The following HORMAD2 variants were observed in gnomAD, a reference collection of about 807,000 sequenced individuals.
HORMAD2 encodes the protein HORMA domain containing 2, also known as HORMA domain-containing protein 2.
Under a neutral mutation model 38.8 loss-of-function variants are expected in HORMAD2, and 45 were observed. The ratio of observed to expected loss-of-function variants is 1.16; its 90% confidence interval spans 0.91 to 1.49. The LOEUF is 1.49. Among genes scored for constraint, HORMAD2 ranks in the 40% most tolerant of loss-of-function variants. HORMAD2 has a pLI of 0.00. For synonymous variants in HORMAD2, 126 were observed against 122.8 expected, an observed-to-expected ratio of 1.03 and a Z score of -0.17; for missense variants, 338 against 367.0, an observed-to-expected ratio of 0.92 and a Z score of 0.65.
chr22:30,082,585 A>T (rs2068501685), intron 1 of HORMAD2, among the ~76,000 whole-genome samples: 1 of 152,038 alleles, frequency 6.6e-6, no homozygotes, highest in South Asian at 2.1e-4. Context: ...TGGGCAACAT[A>T]GTGAGACCTC....
intron 10 of HORMAD2, among the ~76,000 whole-genome samples, chr22:30,170,849 A>G (rs1034511120): frequency 2.0e-5 from 3 of 152,144 alleles, no homozygotes; most frequent in Admixed American, 6.5e-5. Flanking sequence ...CACTCTTCAA[A>G]TGACTTCAAG....
At chr22:30,166,001 T>A (rs1925757600) in intron 10 of HORMAD2, among the ~76,000 whole-genome samples, 1 of 151,594 alleles carries the variant, frequency 6.6e-6, no homozygotes, top group African/African-American at 2.4e-5. Flanking sequence ...CTTCTTTTTT[T>A]ATTCTCTTTA....
intron 10 of HORMAD2, among the ~76,000 whole-genome samples, chr22:30,171,469 C>T (rs1926105109): frequency 6.6e-6 from 1 of 152,108 alleles, no homozygotes; most frequent in Non-Finnish European, 1.5e-5. Context: ...AATTGGCCAT[C>T]CTCCTGACTC....
At chr22:30,188,948 C>A in the HORMAD2 span, among the ~76,000 whole-genome samples, 1 of 151,942 alleles carries the variant, frequency 6.6e-6, no homozygotes, top group Non-Finnish European at 1.5e-5. Context: ...CCAGCCTGGG[C>A]AACATGGTGA....
intron 10 of HORMAD2, among the ~76,000 whole-genome samples, chr22:30,158,579 C>T (rs1265657689): frequency 1.8e-4 from 10 of 56,250 alleles, no homozygotes; most frequent in Non-Finnish European, 1.7e-4. Context: ...TTCCCCTTCC[C>T]CTTCTCCTTC....
chr22:30,091,737 A>G (rs2068691178), intron 1 of HORMAD2, among the ~76,000 whole-genome samples: 2 of 152,114 alleles, frequency 1.3e-5, no homozygotes, highest in Non-Finnish European at 2.9e-5. Flanking sequence ...TATGGTTTCT[A>G]TTTTAAGATT....
At chr22:30,135,687 C>T (rs908263076) in intron 10 of HORMAD2, among the ~76,000 whole-genome samples, 10 of 152,084 alleles carry the variant, frequency 6.6e-5, no homozygotes, top group African/African-American at 2.2e-4. Flanking sequence ...GAGCCCTTCT[C>T]GAACACTCAG....
rs563499899 is a variant in HORMAD2, at chr22:30,127,497, A to G, written c.819+5283A>G. Among the ~76,000 whole-genome samples, 6 of 152,084 alleles carry G rather than the reference A, an allele frequency of 3.9e-5. No homozygotes were observed. The East Asian group carries it at 1.2e-3, about 29-fold the overall frequency. On this transcript the variant is annotated intron_variant, in intron 10 of 10. Coordinates refer to ENST00000336726, the MANE Select transcript of HORMAD2 (RefSeq NM_152510.4). Reference sequence around the variant, plus strand: ...GCTGGGATTACAGGTGTGAACCACCACGCCCAGCCTAATTTTTGTATTTGT... The same window carrying G: ...GCTGGGATTACAGGTGTGAACCACCGCGCCCAGCCTAATTTTTGTATTTGT...
At chr22:30,098,610 T>C (rs1163606690) in intron 2 of HORMAD2, among the ~76,000 whole-genome samples, 1 of 152,170 alleles carries the variant, frequency 6.6e-6, no homozygotes, top group African/African-American at 2.4e-5. Context: ...GTTTCATGGA[T>C]CATTGTGAAA....
At chr22:30,197,696 T>G in the HORMAD2 span, among the ~76,000 whole-genome samples, 1 of 152,098 alleles carries the variant, frequency 6.6e-6, no homozygotes, top group Non-Finnish European at 1.5e-5. Flanking sequence ...CTCAGTAAGA[T>G]GAGGAAGCCC....
chr22:30,078,550 G>A (rs150959076), upstream of HORMAD2, among the ~76,000 whole-genome samples: 45 of 123,810 alleles, frequency 3.6e-4, 1 homozygote, highest in East Asian at 6.2e-3. Context: ...AGGTGGCAGC[G>A]AGCCAATATC....
At chr22:30,105,409 G>T in intron 5 of HORMAD2, 1 of 154,520 alleles carries the variant, frequency 6.5e-6, no homozygotes, top group South Asian at 1.7e-4. Flanking sequence ...GCAGAACCAT[G>T]GCTGCTGCTC....
At chr22:30,193,078 A>G in the HORMAD2 span, among the ~76,000 whole-genome samples, 23 of 152,246 alleles carry the variant, frequency 1.5e-4, no homozygotes, top group Admixed American at 2.6e-4. Flanking sequence ...CGAAAAAAGC[A>G]GCTGAAATAC....
rs540896309 is a variant in HORMAD2, at chr22:30,131,052, C to T, written c.819+8838C>T. On this transcript the variant is annotated intron_variant, in intron 10 of 10. Coordinates refer to ENST00000336726, the MANE Select transcript of HORMAD2 (RefSeq NM_152510.4). ...CAGTAGACATACACACTGAAGACAA[C>T]TTCCCCTAAAGATCCTTAGACAGGT... is the stretch of plus-strand genomic sequence containing the variant. Among the ~76,000 whole-genome samples the T allele has an allele frequency of 3.3e-5, 5 of 152,246 alleles. No individual in the cohort carries two copies. In the South Asian group the frequency reaches 1.0e-3, roughly 32 times the overall value.
At chr22:30,109,953 C>A (rs976561310) in intron 5 of HORMAD2, among the ~76,000 whole-genome samples, 1 of 152,086 alleles carries the variant, frequency 6.6e-6, no homozygotes, top group East Asian at 1.9e-4. Flanking sequence ...GCCCTGTGTA[C>A]GTAATGGACT....
At chr22:30,171,331 A>C (rs1926097307) in intron 10 of HORMAD2, among the ~76,000 whole-genome samples, 1 of 152,202 alleles carries the variant, frequency 6.6e-6, no homozygotes, top group African/African-American at 2.4e-5. Context: ...AGGCACTCCA[A>C]ATTCAGCAGG....
chr22:30,167,989 T>G (rs1331668313), intron 10 of HORMAD2, among the ~76,000 whole-genome samples: 3 of 152,204 alleles, frequency 2.0e-5, no homozygotes, highest in Admixed American at 1.3e-4. Flanking sequence ...ACAGTTATTG[T>G]GAGGAATAAA....
At chr22:30,194,363 G>C in the HORMAD2 span, among the ~76,000 whole-genome samples, 1 of 152,214 alleles carries the variant, frequency 6.6e-6, no homozygotes, top group African/African-American at 2.4e-5. Flanking sequence ...CTGGAAAAGA[G>C]ATTTCTCCAG....
At chr22:30,128,639 T>C (rs1285936265) in intron 10 of HORMAD2, among the ~76,000 whole-genome samples, 1 of 152,056 alleles carries the variant, frequency 6.6e-6, no homozygotes, top group Admixed American at 6.6e-5. Context: ...CTCAAATGAG[T>C]AGTACCAAAT....
Sources: gnomAD v4.1 joint callset for allele counts (sites outside exome capture counted in the v4.1 genomes callset) on GRCh38, gnomAD v4.1.1 for gene constraint, MANE v1.5 for transcripts, NCBI Gene and HGNC (gene_info 2026-07-23, HGNC 2026-07-21) for gene names.